Variants in CCDC171 observed in about 807,000 individuals in gnomAD.
The protein encoded by CCDC171 is coiled-coil domain-containing protein 171.
CCDC171 carries 177 observed loss-of-function variants against 168.2 expected under a neutral mutation model. That is an observed-to-expected ratio of 1.05 (90% CI 0.93 to 1.19). CCDC171 has a LOEUF of 1.19. Among genes scored for constraint, CCDC171 ranks in the 50% most tolerant of loss-of-function variants. The probability of loss-of-function intolerance (pLI) is 0.00; values close to 1 mark genes in which losing one functional copy is unlikely to be tolerated. For missense variants in CCDC171, 1,991 were observed against 1,539.0 expected (o/e 1.29, Z -4.91); for synonymous variants, 687 against 540.8 (o/e 1.27, Z -3.75).
intron 25 of CCDC171, among the ~76,000 whole-genome samples, chr9:15,933,718 G>A (rs575704976): frequency 6.6e-6 from 1 of 151,928 alleles, no homozygotes; most frequent in African/African-American, 2.4e-5. Flanking sequence ...AATTTAAAAT[G>A]TCCCTCTTAA....
At chr9:15,700,674 T>TCTA (rs1278809755) in intron 11 of CCDC171, among the ~76,000 whole-genome samples, 6 of 152,004 alleles carry the variant, frequency 3.9e-5, no homozygotes, top group African/African-American at 1.4e-4. Context: ...TTTAACGAGT[T>TCTA]AGACTCTTGG....
intron 6 of CCDC171, among the ~76,000 whole-genome samples, chr9:15,621,804 G>T (rs968831912): frequency 6.6e-6 from 1 of 152,064 alleles, no homozygotes; most frequent in African/African-American, 2.4e-5. Flanking sequence ...AATAGAAATT[G>T]TTCTACCACA....
At chr9:15,765,541 G>T (rs2056675481) in intron 18 of CCDC171, among the ~76,000 whole-genome samples, 1 of 152,278 alleles carries the variant, frequency 6.6e-6, no homozygotes, top group East Asian at 1.9e-4. Flanking sequence ...TAGGTTGGTA[G>T]ATTTGGTAGT....
chr9:15,662,975 C>T (rs1232408959), intron 8 of CCDC171, among the ~76,000 whole-genome samples: 3 of 133,886 alleles, frequency 2.2e-5, no homozygotes, highest in Non-Finnish European at 4.8e-5. Context: ...CGCGAGACTT[C>T]GTCTCAACAA....
At chr9:15,578,036 CTTT>C (rs1219557514) in intron 3 of CCDC171, among the ~76,000 whole-genome samples, 1 of 152,088 alleles carries the variant, frequency 6.6e-6, no homozygotes, top group Non-Finnish European at 1.5e-5. Context: ...AAAATTGGCA[CTTT>C]TATTACTTTA....
intron 3 of CCDC171, among the ~76,000 whole-genome samples, chr9:16,011,864 C>G (rs1341835896): frequency 6.6e-6 from 1 of 152,180 alleles, no homozygotes; most frequent in Admixed American, 6.5e-5. Flanking sequence ...CACTCCTGCT[C>G]ATCAGTCAGA....
intron 25 of CCDC171, among the ~76,000 whole-genome samples, chr9:15,941,786 T>A (rs551256034): frequency 2.6e-5 from 4 of 152,068 alleles, no homozygotes; most frequent in Non-Finnish European, 5.9e-5. Flanking sequence ...AGAAGACAAT[T>A]CATTTTTAAG....
intron 25 of CCDC171, among the ~76,000 whole-genome samples, chr9:15,966,259 CAGAGTTT>C (rs1402626595): frequency 6.6e-6 from 1 of 152,126 alleles, no homozygotes; most frequent in Non-Finnish European, 1.5e-5. Flanking sequence ...AGACCTTGAC[CAGAGTTT>C]GAAACGTGGA....
At chr9:15,994,952 C>T (rs769550150) in intron 3 of CCDC171, among the ~76,000 whole-genome samples, 3 of 152,108 alleles carry the variant, frequency 2.0e-5, no homozygotes, top group Non-Finnish European at 2.9e-5. Context: ...TCAAAGTGAC[C>T]ACCTTATGTA....
chr9:15,709,850 T>A (rs368365482), intron 11 of CCDC171, among the ~76,000 whole-genome samples: 1 of 152,292 alleles, frequency 6.6e-6, no homozygotes, highest in African/African-American at 2.4e-5. Flanking sequence ...TCTTTTTTTA[T>A]GAAAAATTTC....
intron 21 of CCDC171, among the ~76,000 whole-genome samples, chr9:15,827,593 A>G (rs1164723792): frequency 2.0e-5 from 3 of 152,186 alleles, no homozygotes; most frequent in African/African-American, 7.2e-5. Flanking sequence ...AAAGTGTTTC[A>G]TATACACCTA....
intron 24 of CCDC171, among the ~76,000 whole-genome samples, chr9:15,900,567 G>C (rs918948839): frequency 6.6e-6 from 1 of 152,146 alleles, no homozygotes; most frequent in African/African-American, 2.4e-5. Flanking sequence ...TGGAAATTAA[G>C]AGATAATAAA....
intron 16 of CCDC171, among the ~76,000 whole-genome samples, chr9:15,731,511 A>G (rs1197200983): frequency 2.0e-5 from 3 of 152,108 alleles, no homozygotes; most frequent in Admixed American, 6.6e-5. Context: ...GCATAATGTC[A>G]TTTACGTTGT....
At chr9:15,802,912 G>C (rs916230603) in intron 21 of CCDC171, among the ~76,000 whole-genome samples, 16 of 152,064 alleles carry the variant, frequency 1.1e-4, no homozygotes, top group African/African-American at 3.9e-4. Context: ...AACCTTGCCA[G>C]CATCTGTTGT....
intron 3 of CCDC171, among the ~76,000 whole-genome samples, chr9:16,014,102 T>C (rs1364902353): frequency 1.3e-5 from 2 of 152,234 alleles, no homozygotes; most frequent in Non-Finnish European, 2.9e-5. Flanking sequence ...GGAACTTCTT[T>C]TAAAATGTGT....
intron 21 of CCDC171, among the ~76,000 whole-genome samples, chr9:15,843,931 C>G (rs2060793850): frequency 6.6e-6 from 1 of 152,102 alleles, no homozygotes; most frequent in Non-Finnish European, 1.5e-5. Flanking sequence ...CTCGCTGTTC[C>G]AGGCTCAGCC....
chr9:16,041,842 C>T (rs554665597), upstream of CCDC171, among the ~76,000 whole-genome samples: 46 of 152,100 alleles, frequency 3.0e-4, no homozygotes, highest in Non-Finnish European at 6.5e-4. Context: ...TTTGTGGGCA[C>T]AGGAGGAAAT....
intron 21 of CCDC171, among the ~76,000 whole-genome samples, chr9:15,841,765 A>T (rs1459703459): frequency 6.6e-6 from 1 of 151,932 alleles, no homozygotes; most frequent in Non-Finnish European, 1.5e-5. Flanking sequence ...TGGCTTTATT[A>T]TAAAATATAT....
chr9:15,660,618 C>T (rs2048241429), intron 8 of CCDC171, among the ~76,000 whole-genome samples: 1 of 152,174 alleles, frequency 6.6e-6, no homozygotes, highest in Non-Finnish European at 1.5e-5. Flanking sequence ...TAAGGGCTTC[C>T]AGCTGCATCC....
Sources: gnomAD v4.1 joint callset for allele counts (sites outside exome capture counted in the v4.1 genomes callset) on GRCh38, gnomAD v4.1.1 for gene constraint, MANE v1.5 for transcripts, NCBI Gene and HGNC (gene_info 2026-07-23, HGNC 2026-07-21) for gene names.